CD2BP2: variants seen among roughly 807,000 people sequenced by gnomAD.
CD2BP2 encodes CD2 cytoplasmic tail binding protein 2.
CD2BP2 carries 27 observed loss-of-function variants against 35.9 expected under a neutral mutation model. The observed-to-expected ratio is 0.75, with a 90% confidence interval of 0.55 to 1.04. The LOEUF (loss-of-function observed/expected upper bound fraction) is 1.04, where lower values mean the gene tolerates loss of function less well. Among genes scored for constraint, CD2BP2 ranks in the 50% least tolerant of loss-of-function variants. The pLI is 0.00. For missense variants in CD2BP2, 497 were observed against 444.3 expected, an observed-to-expected ratio of 1.12 and a Z score of -1.07; for synonymous variants, 213 against 173.5, an observed-to-expected ratio of 1.23 and a Z score of -1.79.
Position 30,353,695 on chromosome 16 carries a change from G to C in CD2BP2, c.481C>G (p.Leu161Val). ...SMSAQALLEGLLELLLPRETV... is the reference protein window; with the variant it reads ...SMSAQALLEGVLELLLPRETV... Reference sequence around the variant, plus strand: ...TCTCTAGGCAATAGGAGCTCCAAAAGTCCCTCCAAGAGGGCTTGGGCACTC... The same window carrying C: ...TCTCTAGGCAATAGGAGCTCCAAAACTCCCTCCAAGAGGGCTTGGGCACTC... Residue 161 changes from leucine (L) to valine (V), a missense_variant, in exon 5 of 7, where the codon CTT becomes GTT. Coordinates refer to ENST00000305596, the MANE Select transcript of CD2BP2 (RefSeq NM_006110.3). 1 of 1,613,718 alleles carries C rather than the reference G, an allele frequency of 6.2e-7. No individual in the cohort carries two copies. Among genetic ancestry groups the C allele is most frequent in the Non-Finnish European group, 8.5e-7 (1 of 1,179,956 alleles).
Position 30,354,678 on chromosome 16 carries a change from G to T in CD2BP2, c.4C>A (p.Pro2Thr), listed in dbSNP as rs1311462953. The T allele has an allele frequency of 1.2e-6, 2 of 1,613,554 alleles. No individual in the cohort carries two copies. Among genetic ancestry groups the T allele is most frequent in the African/African-American group, 2.7e-5 (2 of 74,848 alleles). MPKRKVTFQGVG... is the reference protein window; with the variant it reads MTKRKVTFQGVG... The stretch of plus-strand genomic sequence containing the variant: ...CCTTGGAAGGTCACTTTCCTCTTTG[G>T]CATGACGGGGCAAAGAGGTGTTTCT... The change falls in exon 2 of 7, where the codon CCA (proline) becomes ACA (threonine). Residue 2 changes from proline (P) to threonine (T), a missense_variant. Transcript: ENST00000305596.
chr16:30,353,027 C>A lies in CD2BP2; in HGVS notation c.984G>T (p.Gln328His). The A allele has an allele frequency of 3.1e-6, 5 of 1,614,044 alleles. No homozygotes were observed. Among genetic ancestry groups the A allele is most frequent in the Non-Finnish European group, 2.5e-6 (3 of 1,179,916 alleles). ...AGTCAATGCGTTTGGAGTTGTAGAA[C>A]TGACCACCAGGGGGGTCCAGCTTCC... ...YCRKLDPPGG[Q>H]FYNSKRIDFD... The change falls in exon 7 of 7, where the codon CAG becomes CAT. Residue 328 changes from glutamine to histidine, a missense_variant. Physicochemically the swap from Gln to His is conservative, Grantham distance 24 (BLOSUM62 0). Transcript: ENST00000305596.
rs900399296 is a variant in CD2BP2 at position 30,352,637 on chromosome 16, G to A, written c.*348C>T. On this transcript the variant is annotated 3_prime_UTR_variant, in exon 7 of 7. Coordinates refer to ENST00000305596, the MANE Select transcript of CD2BP2 (RefSeq NM_006110.3). ...GTCCTGAAAGCCAAAGACCTAAGAG[G>A]AATCGAACAAGAAACCTGGGAGAGG... 3.7e-6 allele frequency: 1 copy of A among 267,520 alleles called. No individual in the cohort carries two copies. Among genetic ancestry groups the A allele is most frequent in the East Asian group, 8.3e-5 (1 of 12,020 alleles). 16.6% of individuals were successfully genotyped at this position (267,520 alleles called of 1,614,324 possible).
In CD2BP2 at chr16:30,351,806, T is replaced by C. The variant is rs1025521456; in HGVS notation, c.*1179A>G. ...CTGACTCAGGGGCTCTCTCTCGGCCTGGCTGCAAGCTGAAAACACCTGGGG... is the reference window on the plus strand; with the variant it reads ...CTGACTCAGGGGCTCTCTCTCGGCCCGGCTGCAAGCTGAAAACACCTGGGG... On this transcript the variant is annotated 3_prime_UTR_variant, in exon 7 of 7. Transcript: ENST00000305596. The C allele has an allele frequency of 2.6e-5, 4 of 152,666 alleles. No individual in the cohort carries two copies. The highest frequency in any genetic ancestry group is 9.6e-5 in the African/African-American group (4 of 41,466). The allele number at this position is 152,666 out of a possible 1,614,324, so 9.5% of individuals were successfully genotyped here.
rs1460837429 is a variant in CD2BP2, at chr16:30,354,625, T to TTCATCC, written c.51_56dup (p.Asp18_Glu19dup). 7 of 1,613,878 alleles carry TTCATCC rather than the reference T, an allele frequency of 4.3e-6. No homozygotes were observed. In the South Asian group the frequency reaches 6.6e-5, roughly 15 times the overall value. On this transcript the variant is annotated inframe_insertion, in exon 2 of 7. Transcript: ENST00000305596. Reference sequence around the variant, plus strand: ...TCACCTTCTTCTTGGGGACAATGATTTCATCCTCATCCTCCTCATCTCCCA... The same window carrying TTCATCC: ...TCACCTTCTTCTTGGGGACAATGATTTCATCCTCATCCTCATCCTCCTCATCTCCCA...
In CD2BP2 at chr16:30,351,747, C is replaced by T. The variant is rs1208781806; in HGVS notation, c.*1238G>A. The T allele has an allele frequency of 6.6e-6, 1 of 152,430 alleles. No individual in the cohort carries two copies. Among genetic ancestry groups the T allele is most frequent in the Non-Finnish European group, 1.5e-5 (1 of 68,244 alleles). The allele number at this position is 152,430 out of a possible 1,614,324, so 9.4% of individuals were successfully genotyped here. ...CAACCACGGTGGGGTCCAGGAGCCA[C>T]CCCTCCCGCTAGGTGTGCCTAAACC... On this transcript the variant is annotated 3_prime_UTR_variant, in exon 7 of 7. Transcript: ENST00000305596.
At position 30,353,461 on chromosome 16, in the gene CD2BP2, G is replaced by A. The variant is rs759902948; in HGVS notation, c.715C>T (p.Pro239Ser). 1 of 1,614,092 alleles carries A rather than the reference G, an allele frequency of 6.2e-7. No individual in the cohort carries two copies. Among genetic ancestry groups the A allele is most frequent in the Non-Finnish European group, 8.5e-7 (1 of 1,180,006 alleles). Residue 239 changes from proline to serine, a missense_variant, in exon 5 of 7, where the codon CCC becomes TCC. Pro to Ser is a moderately conservative substitution (Grantham distance 74). Transcript: ENST00000305596. Reference sequence around the variant, plus strand: ...GAGGGTGGGGGTGTGGGATTGTGGGGTCCTAGGGTCTGACACCCCAAACCC... The same window carrying A: ...GAGGGTGGGGGTGTGGGATTGTGGGATCCTAGGGTCTGACACCCCAAACCC... ...LKGLGCQTLG[P>S]HNPTPPPSLD... is the part of the protein sequence containing the mutation.
At chr16:30,355,102 T>C in intron 1 of CD2BP2, 110 bp downstream of exon 1, 1 of 225,608 alleles carries the variant, frequency 4.4e-6, no homozygotes, top group Non-Finnish European at 9.0e-6. Context: ...GCCACCCCGT[T>C]CCTCCCTGCT....
rs557542579 is a variant in CD2BP2, at chr16:30,353,471, C to G, written c.705G>C (p.Gln235His). ...GTGTGGGATTGTGGGGTCCTAGGGT[C>G]TGACACCCCAAACCCTTCAGACGCA... Reference protein sequence around the residue: ...LAMRLKGLGCQTLGPHNPTPP... With the variant: ...LAMRLKGLGCHTLGPHNPTPP... Residue 235 changes from glutamine to histidine, a missense_variant, in exon 5 of 7, where the codon CAG becomes CAC. By Grantham distance (24) the Gln-to-His change is conservative (BLOSUM62 0). Coordinates refer to ENST00000305596, the MANE Select transcript of CD2BP2 (RefSeq NM_006110.3). 6.3e-5 allele frequency: 101 copies of G among 1,614,108 alleles called. No homozygotes were observed. Among genetic ancestry groups the G allele is most frequent in the Admixed American group, 2.0e-4 (12 of 60,016 alleles).
In CD2BP2 at chr16:30,353,849, GC is replaced by G. The variant is rs1567407349; in HGVS notation, c.376-50del. ...TTCCCACCAACTGCCACGGGAGCAGGCCCAGCATCTGCCACTCCCAGGCCCC... is the reference window on the plus strand; with the variant it reads ...TTCCCACCAACTGCCACGGGAGCAGGCCAGCATCTGCCACTCCCAGGCCCC... On this transcript the variant is annotated intron_variant, in intron 4 of 6. Coordinates refer to ENST00000305596, the MANE Select transcript of CD2BP2 (RefSeq NM_006110.3). 6 of 1,608,630 alleles carry G rather than the reference GC, an allele frequency of 3.7e-6. No individual in the cohort carries two copies. In the South Asian group the frequency reaches 6.6e-5, roughly 18 times the overall value.
At position 30,354,706 on chromosome 16, in the gene CD2BP2, A is replaced by C; in HGVS notation, c.-25T>G. The C allele has an allele frequency of 1.2e-6, 2 of 1,609,028 alleles. No homozygotes were observed. The highest frequency in any genetic ancestry group is 1.7e-6 in the Non-Finnish European group (2 of 1,175,492). ...TGACGGGGCAAAGAGGTGTTTCTCAAGCTGAGGAAAGGATGCAGAGGAAGG... is the reference window on the plus strand; with the variant it reads ...TGACGGGGCAAAGAGGTGTTTCTCACGCTGAGGAAAGGATGCAGAGGAAGG... On this transcript the variant is annotated splice_region_variant and 5_prime_UTR_variant, in exon 2 of 7. Transcript: ENST00000305596.
At chr16:30,353,329 T>C in intron 5 of CD2BP2, 39 bp downstream of exon 5, 1 of 1,613,134 alleles carries the variant, frequency 6.2e-7, no homozygotes, top group Non-Finnish European at 8.5e-7. Flanking sequence ...AGTGTCTCAC[T>C]TCCTACCCAC....
At chr16:30,354,403 TCCCCA>T in intron 2 of CD2BP2, 81 bp from the exon 3 acceptor site, 2 of 1,506,102 alleles carry the variant, frequency 1.3e-6, no homozygotes, top group Non-Finnish European at 1.8e-6. Context: ...ACCCAAATAT[TCCCCA>T]AATATTTCAG....
At chr16:30,354,887 G>A in intron 1 of CD2BP2, 180 bp from the exon 2 acceptor site, 4 of 589,722 alleles carry the variant, frequency 6.8e-6, no homozygotes, top group Non-Finnish European at 1.2e-5. Context: ...TCTAGCATCC[G>A]CGAGTTAAAC....
rs2049509323 is a variant in CD2BP2, at chr16:30,353,909, T to C, written c.367A>G (p.Ile123Val). The change falls in exon 4 of 7, where the codon ATT (isoleucine) becomes GTT (valine). Residue 123 changes from isoleucine (I) to valine (V), a missense_variant. Ile to Val is a conservative substitution (Grantham distance 29, BLOSUM62 3). Coordinates refer to ENST00000305596, the MANE Select transcript of CD2BP2 (RefSeq NM_006110.3). ...AQIRDSWLDN[I>V]DWVKIRERPP... ...CAGCCCCTGGGCCGCACCCAGTCAA[T>C]GTTGTCCAGCCAGCTGTCTCGGATC... is the stretch of plus-strand genomic sequence containing the variant. The C allele has an allele frequency of 1.2e-6, 2 of 1,613,820 alleles. No individual in the cohort carries two copies. Among genetic ancestry groups the C allele is most frequent in the Non-Finnish European group, 8.5e-7 (1 of 1,179,998 alleles).
Position 30,353,750 on chromosome 16 carries a change from C to T in CD2BP2, c.426G>A (p.Glu142=), listed in dbSNP as rs1171611727. The change falls in exon 5 of 7, where the codon GAG becomes GAA. Residue 142 remains glutamate, a synonymous_variant. Transcript: ENST00000305596. ...PPGQRQASDS[E]EEDSLGQTSM... ...AGGTCTGGCCCAAGCTGTCCTCCTC[C>T]TCCGAGTCTGAGGCCTGGCGCTGGC... 1.2e-6 allele frequency: 2 copies of T among 1,608,246 alleles called. No homozygotes were observed. The highest frequency in any genetic ancestry group is 2.7e-5 in the African/African-American group (2 of 74,840).
At chr16:30,354,389 C>T (rs766120766) in intron 2 of CD2BP2, 67 bp from the exon 3 acceptor site, 22 of 1,548,712 alleles carry the variant, frequency 1.4e-5, no homozygotes, top group Non-Finnish European at 1.9e-5. Context: ...ACTTCCGGAT[C>T]TGGACCCAAA....
In CD2BP2 at chr16:30,354,686, G is replaced by A. The variant is rs767144334; in HGVS notation, c.-5C>T. 8 of 1,613,408 alleles carry A rather than the reference G, an allele frequency of 5.0e-6. No individual in the cohort carries two copies. Among genetic ancestry groups the A allele is most frequent in the Non-Finnish European group, 6.8e-6 (8 of 1,179,570 alleles). ...GGTCACTTTCCTCTTTGGCATGACG[G>A]GGCAAAGAGGTGTTTCTCAAGCTGA... On this transcript the variant is annotated 5_prime_UTR_variant, in exon 2 of 7. Transcript: ENST00000305596.
Position 30,352,523 on chromosome 16 carries a change from T to C in CD2BP2, c.*462A>G, listed in dbSNP as rs533202099. On this transcript the variant is annotated 3_prime_UTR_variant, in exon 7 of 7. Coordinates refer to ENST00000305596, the MANE Select transcript of CD2BP2 (RefSeq NM_006110.3). ...ATGCTCACCCCCAACAGGGTCCCAATGTCTTCTCGATGCCCTGGTCCTTCT... is the reference window on the plus strand; with the variant it reads ...ATGCTCACCCCCAACAGGGTCCCAACGTCTTCTCGATGCCCTGGTCCTTCT... The C allele has an allele frequency of 1.1e-4, 19 of 170,276 alleles. No individual in the cohort carries two copies. In the East Asian group the frequency reaches 2.8e-3, roughly 25 times the overall value. 10.5% of individuals were successfully genotyped at this position (170,276 alleles called of 1,614,324 possible). A position where few individuals can be genotyped will look rare whatever the true frequency, so the allele number is the denominator to read the frequency against.
Sources: allele counts gnomAD v4.1 joint callset, GRCh38; gene constraint gnomAD v4.1.1; transcripts MANE v1.5; gene names NCBI Gene and HGNC (gene_info 2026-07-23, HGNC 2026-07-21).